The following SGCZ variants were observed in gnomAD, a reference collection of about 807,000 sequenced individuals.
The protein encoded by SGCZ is sarcoglycan zeta, also known as zeta-sarcoglycan.
SGCZ carries 40 observed loss-of-function variants against 41.3 expected under a neutral mutation model. The observed-to-expected ratio is 0.97, with a 90% confidence interval of 0.75 to 1.26. SGCZ has a LOEUF of 1.26. Among genes scored for constraint, SGCZ ranks in the 50% most tolerant of loss-of-function variants. SGCZ has a pLI of 0.00. For missense variants in SGCZ, 552 were observed against 369.8 expected (o/e 1.49, Z -4.04); for synonymous variants, 206 against 137.5 (o/e 1.50, Z -3.49).
Position 14,626,561 on chromosome 8 carries a change from A to C in SGCZ, c.40-71635T>G, listed in dbSNP as rs114177599. ...TGCAAGTGTAAATATTTAAGTAAAA[A>C]TTAGGTCACACTGGAGTAGGGTGGG... On this transcript the variant is annotated intron_variant, in intron 1 of 7. Coordinates refer to ENST00000382080, the MANE Select transcript of SGCZ (RefSeq NM_139167.4). Among the ~76,000 whole-genome samples the C allele has an allele frequency of 8.8e-3, 1,339 of 152,280 alleles. 18 individuals are homozygous for C. The highest frequency in any genetic ancestry group is 0.031 in the African/African-American group (1,268 of 41,566).
chr8:14,292,841 G>C (rs532173721), intron 3 of SGCZ, among the ~76,000 whole-genome samples: 1 of 152,012 alleles, frequency 6.6e-6, no homozygotes, highest in African/African-American at 2.4e-5. Context: ...ATGTTACATA[G>C]AGTAATCCCT....
At chr8:14,504,191 A>C (rs1802237401) in intron 2 of SGCZ, among the ~76,000 whole-genome samples, 1 of 152,198 alleles carries the variant, frequency 6.6e-6, no homozygotes, top group African/African-American at 2.4e-5. Flanking sequence ...ACAAGAGGAA[A>C]ATTCAATTTG....
At chr8:14,878,587 C>T (rs1273497929) in intron 1 of SGCZ, among the ~76,000 whole-genome samples, 1 of 152,096 alleles carries the variant, frequency 6.6e-6, no homozygotes, top group African/African-American at 2.4e-5. Context: ...CAAAATGATG[C>T]AGCACTGTTA....
chr8:15,019,640 T>TG lies in SGCZ; in HGVS notation c.39+217944dup, dbSNP rs1433837608. 4.6e-5 allele frequency among the ~76,000 whole-genome samples: 7 copies of TG among 150,778 alleles called. No homozygotes were observed. In the East Asian group the frequency reaches 1.4e-3, roughly 29 times the overall value. On this transcript the variant is annotated intron_variant, in intron 1 of 7. Transcript: ENST00000382080. The stretch of plus-strand genomic sequence containing the variant: ...CCTGTGTTTGCTGGACAAAGGGAGG[T>TG]GGGGGGCATTCTCAGCTCACTCTGA...
chr8:14,464,547 C>T (rs1338638068), intron 2 of SGCZ, among the ~76,000 whole-genome samples: 1 of 148,454 alleles, frequency 6.7e-6, no homozygotes, highest in African/African-American at 2.5e-5. Flanking sequence ...TTTCAAAGAA[C>T]CTAATTTGTA....
At chr8:14,326,690 T>C (rs1212249396) in intron 2 of SGCZ, among the ~76,000 whole-genome samples, 1 of 152,014 alleles carries the variant, frequency 6.6e-6, no homozygotes, top group African/African-American at 2.4e-5. Flanking sequence ...AATTAAAGAG[T>C]TATTCAGATG....
intron 1 of SGCZ, among the ~76,000 whole-genome samples, chr8:14,647,045 A>G (rs1213310943): frequency 2.0e-5 from 3 of 152,006 alleles, no homozygotes; most frequent in Non-Finnish European, 2.9e-5. Flanking sequence ...GAATATGGAA[A>G]TGAGGAGACA....
chr8:14,293,899 T>C (rs2116952375), intron 3 of SGCZ, among the ~76,000 whole-genome samples: 1 of 151,946 alleles, frequency 6.6e-6, no homozygotes. Flanking sequence ...TCTTAAAATA[T>C]TTATTTTAAT....
At chr8:14,213,042 G>C (rs1805869597) in intron 4 of SGCZ, among the ~76,000 whole-genome samples, 1 of 152,002 alleles carries the variant, frequency 6.6e-6, no homozygotes, top group Non-Finnish European at 1.5e-5. Flanking sequence ...AACTAAAAAA[G>C]TAAATGGATT....
chr8:15,072,903 A>G (rs1216495314), intron 1 of SGCZ, among the ~76,000 whole-genome samples: 1 of 152,154 alleles, frequency 6.6e-6, no homozygotes, highest in Non-Finnish European at 1.5e-5. Flanking sequence ...TAGGGTCCAG[A>G]AAGAGTCTTA....
chr8:14,415,341 T>C (rs1010335517), intron 2 of SGCZ, among the ~76,000 whole-genome samples: 78 of 152,074 alleles, frequency 5.1e-4, no homozygotes, highest in African/African-American at 1.8e-3. Flanking sequence ...AAATGTATTA[T>C]ACTTTTTCTC....
In SGCZ at chr8:14,125,502, T is replaced by TC. The variant is rs1802824461; in HGVS notation, c.548-17268dup. On this transcript the variant is annotated intron_variant, in intron 5 of 7. Coordinates refer to ENST00000382080, the MANE Select transcript of SGCZ (RefSeq NM_139167.4). ...CCAGGTGACAGAGAAAGATTCCGTCTCAAAAAAAAAAAAAAGAAGAAGAAT... is the reference window on the plus strand; with the variant it reads ...CCAGGTGACAGAGAAAGATTCCGTCTCCAAAAAAAAAAAAAAGAAGAAGAAT... 3.4e-5 allele frequency among the ~76,000 whole-genome samples: 3 copies of TC among 87,368 alleles called. No individual in the cohort carries two copies. In the South Asian group the frequency reaches 1.0e-3, roughly 30 times the overall value. 57.3% of individuals were successfully genotyped at this position (87,368 alleles called of 152,430 possible).
chr8:14,275,860 C>A (rs1451400575), intron 3 of SGCZ, among the ~76,000 whole-genome samples: 1 of 152,110 alleles, frequency 6.6e-6, no homozygotes, highest in South Asian at 2.1e-4. Context: ...TAATGGCAGC[C>A]CACTTAAATG....
At chr8:14,817,027 C>G (rs928938760) in intron 1 of SGCZ, among the ~76,000 whole-genome samples, 29 of 152,290 alleles carry the variant, frequency 1.9e-4, no homozygotes, top group African/African-American at 6.0e-4. Flanking sequence ...TTCCTCAAAT[C>G]ACATTAAAAG....
intron 2 of SGCZ, among the ~76,000 whole-genome samples, chr8:14,548,703 T>C (rs1244804390): frequency 6.6e-6 from 1 of 152,100 alleles, no homozygotes; most frequent in African/African-American, 2.4e-5. Context: ...AGATTATAAT[T>C]AGTGGGGGCT....
At chr8:15,165,479 G>A (rs1168141490) in intron 1 of SGCZ, among the ~76,000 whole-genome samples, 1 of 152,166 alleles carries the variant, frequency 6.6e-6, no homozygotes, top group Non-Finnish European at 1.5e-5. Context: ...TGGGTTTTGA[G>A]AACTATTTGA....
At chr8:14,236,876 A>G (rs1446425065) in intron 4 of SGCZ, among the ~76,000 whole-genome samples, 1 of 151,756 alleles carries the variant, frequency 6.6e-6, no homozygotes, top group Non-Finnish European at 1.5e-5. Flanking sequence ...AAATCTCCAA[A>G]TTAAAATATT....
chr8:14,919,376 G>C (rs1799525743), intron 1 of SGCZ, among the ~76,000 whole-genome samples: 1 of 152,016 alleles, frequency 6.6e-6, no homozygotes, highest in South Asian at 2.1e-4. Context: ...GGGAGGCGGA[G>C]GTTACAGTGA....
rs139845324 is a variant in SGCZ at position 15,164,853 on chromosome 8, G to A, written c.39+72732C>T. Among the ~76,000 whole-genome samples the A allele has an allele frequency of 2.9e-4, 44 of 152,128 alleles. No individual in the cohort carries two copies. In the East Asian group the frequency reaches 8.3e-3, roughly 29 times the overall value. On this transcript the variant is annotated intron_variant, in intron 1 of 7. Coordinates refer to ENST00000382080, the MANE Select transcript of SGCZ (RefSeq NM_139167.4). ...GGTATGGCTGTAACCCCTTGGCAAC[G>A]CTTTGCTTAGCAGTCCTGACTTACG...
Sources: allele counts gnomAD v4.1 joint callset (sites outside exome capture counted in the v4.1 genomes callset), GRCh38; gene constraint gnomAD v4.1.1; transcripts MANE v1.5; gene names NCBI Gene and HGNC (gene_info 2026-07-23, HGNC 2026-07-21).